BANK1: variants seen among roughly 807,000 people sequenced by gnomAD.
BANK1 encodes the protein B cell scaffold protein with ankyrin repeats 1.
A neutral mutation model predicts 94.5 loss-of-function variants in BANK1; 95 were observed. That is an observed-to-expected ratio of 1.00 (90% CI 0.85 to 1.19). The LOEUF (loss-of-function observed/expected upper bound fraction) is 1.19, where lower values mean the gene tolerates loss of function less well. Among genes scored for constraint, BANK1 ranks in the 50% most tolerant of loss-of-function variants. The pLI is 0.00. For missense variants in BANK1, 987 were observed against 932.2 expected, an observed-to-expected ratio of 1.06 and a Z score of -0.77; for synonymous variants, 334 against 308.4, an observed-to-expected ratio of 1.08 and a Z score of -0.87.
chr4:102,057,652 A>G (rs1026167769), intron 11 of BANK1, among the ~76,000 whole-genome samples: 3 of 152,052 alleles, frequency 2.0e-5, no homozygotes, highest in Admixed American at 6.6e-5. Context: ...AAGTCCTATT[A>G]CTGAAAAGTT....
intron 4 of BANK1, among the ~76,000 whole-genome samples, chr4:101,868,894 A>G (rs1170941654): frequency 6.6e-6 from 1 of 151,902 alleles, no homozygotes; most frequent in Non-Finnish European, 1.5e-5. Flanking sequence ...TTTAACAAAT[A>G]TGAGAATGTA....
intron 6 of BANK1, among the ~76,000 whole-genome samples, chr4:101,905,313 C>G (rs1025729090): frequency 4.7e-4 from 71 of 152,168 alleles, no homozygotes; most frequent in Non-Finnish European, 8.7e-4. Flanking sequence ...AGCTTTTGTG[C>G]AGCATAAATC....
At chr4:101,812,078 G>T (rs1032426092) in intron 1 of BANK1, among the ~76,000 whole-genome samples, 6 of 151,898 alleles carry the variant, frequency 4.0e-5, no homozygotes, top group Admixed American at 6.6e-5. Flanking sequence ...ACTTATGAAT[G>T]ATTATGGTAA....
At chr4:102,040,074 G>A (rs1266632606) in intron 10 of BANK1, among the ~76,000 whole-genome samples, 1 of 151,980 alleles carries the variant, frequency 6.6e-6, no homozygotes, top group Non-Finnish European at 1.5e-5. Flanking sequence ...TTCTAAGAAG[G>A]GCAGCTATGG....
chr4:101,922,856 C>T (rs895948533), intron 7 of BANK1, among the ~76,000 whole-genome samples: 14 of 151,806 alleles, frequency 9.2e-5, no homozygotes, highest in Non-Finnish European at 1.9e-4. Context: ...ACTTGGGAAT[C>T]TCTTTCAAAA....
intron 6 of BANK1, among the ~76,000 whole-genome samples, chr4:101,907,847 A>C (rs1198236702): frequency 6.6e-6 from 1 of 152,232 alleles, no homozygotes; most frequent in Non-Finnish European, 1.5e-5. Flanking sequence ...CCAACTTACA[A>C]GGGATGTGAA....
intron 3 of BANK1, among the ~76,000 whole-genome samples, chr4:101,858,015 C>T (rs531748230): frequency 1.3e-5 from 2 of 152,280 alleles, no homozygotes; most frequent in African/African-American, 2.4e-5. Flanking sequence ...ACTGTTCAAA[C>T]GAACCTCATC....
intron 12 of BANK1, among the ~76,000 whole-genome samples, chr4:102,060,887 C>T (rs1342373938): frequency 6.6e-6 from 1 of 152,090 alleles, no homozygotes; most frequent in Non-Finnish European, 1.5e-5. Context: ...TTAAAATAAG[C>T]TCATCTTCTG....
chr4:101,993,753 G>A (rs1725784659), intron 7 of BANK1, among the ~76,000 whole-genome samples: 1 of 152,154 alleles, frequency 6.6e-6, no homozygotes, highest in Admixed American at 6.6e-5. Flanking sequence ...CTTTATTTCT[G>A]CCAAATTAAA....
chr4:101,959,011 T>G (rs1489203750), intron 7 of BANK1, among the ~76,000 whole-genome samples: 1 of 152,184 alleles, frequency 6.6e-6, no homozygotes, highest in African/African-American at 2.4e-5. Flanking sequence ...CCCATATGGA[T>G]TCATGATTAT....
intron 1 of BANK1, among the ~76,000 whole-genome samples, chr4:101,817,792 C>T (rs1371317409): frequency 6.6e-6 from 1 of 152,000 alleles, no homozygotes; most frequent in East Asian, 1.9e-4. Flanking sequence ...TGAATGTAGC[C>T]CAACATAGAT....
intron 7 of BANK1, among the ~76,000 whole-genome samples, chr4:101,922,271 C>A (rs1723026163): frequency 2.0e-5 from 3 of 151,778 alleles, no homozygotes; most frequent in Non-Finnish European, 4.4e-5. Context: ...ATTCACTCTT[C>A]CTGGCTCTTT....
chr4:101,825,725 A>G (rs182145960), intron 1 of BANK1, among the ~76,000 whole-genome samples: 13 of 152,218 alleles, frequency 8.5e-5, no homozygotes, highest in Admixed American at 4.6e-4. Flanking sequence ...AAAACTAAAG[A>G]TTAAAATACT....
chr4:101,973,829 C>T (rs1413286273), intron 7 of BANK1, among the ~76,000 whole-genome samples: 1 of 151,970 alleles, frequency 6.6e-6, no homozygotes, highest in African/African-American at 2.4e-5. Flanking sequence ...AAAAGACAAT[C>T]ATATTATAGT....
intron 7 of BANK1, among the ~76,000 whole-genome samples, chr4:101,923,152 C>G (rs1723053170): frequency 6.6e-6 from 1 of 151,592 alleles, no homozygotes; most frequent in Non-Finnish European, 1.5e-5. Context: ...ATAGAAGACC[C>G]ACAAAAAATA....
intron 7 of BANK1, among the ~76,000 whole-genome samples, chr4:101,943,002 A>G (rs1345889996): frequency 2.0e-5 from 3 of 151,898 alleles, no homozygotes; most frequent in Non-Finnish European, 2.9e-5. Flanking sequence ...ATGCCATTCT[A>G]CCTCTAAATT....
At chr4:101,973,842 G>A (rs1352174) in intron 7 of BANK1, among the ~76,000 whole-genome samples, 51,225 of 151,852 alleles carry the variant, frequency 0.34, 9,821 homozygotes, top group Non-Finnish European at 0.43. Context: ...ATTATAGTTG[G>A]TCCTTTTTTT....
chr4:101,792,257 C>CCCG (rs1553922594), intron 1 of BANK1, among the ~76,000 whole-genome samples: 1 of 136,938 alleles, frequency 7.3e-6, no homozygotes, highest in East Asian at 2.4e-4. Context: ...CATTCCGCTC[C>CCCG]CCCCCCGCCC....
intron 7 of BANK1, chr4:101,982,040 G>A (rs1002316232): frequency 2.6e-5 from 4 of 152,184 alleles, no homozygotes; most frequent in African/African-American, 9.6e-5. Context: ...TAACCCCCTG[G>A]ATGGGCCCCT....
Sources: gnomAD v4.1 joint callset for allele counts (sites outside exome capture counted in the v4.1 genomes callset) on GRCh38, gnomAD v4.1.1 for gene constraint, MANE v1.5 for transcripts, NCBI Gene and HGNC (gene_info 2026-07-23, HGNC 2026-07-21) for gene names.